Variants in LIPK observed in about 807,000 individuals in gnomAD.
LIPK encodes the protein lipase member K.
A neutral mutation model predicts 48.6 loss-of-function variants in LIPK; 32 were observed. That is an observed-to-expected ratio of 0.66 (90% CI 0.50 to 0.88). The LOEUF is 0.88. Ranked by LOEUF, LIPK falls within the 40% of genes least tolerant of loss-of-function variation. LIPK has a pLI of 0.00. For missense variants in LIPK, 507 were observed against 478.5 expected, an observed-to-expected ratio of 1.06 and a Z score of -0.56; for synonymous variants, 164 against 157.4, an observed-to-expected ratio of 1.04 and a Z score of -0.32.
chr10:88,737,336 G>A (rs982671157), intron 6 of LIPK, among the ~76,000 whole-genome samples: 1 of 152,080 alleles, frequency 6.6e-6, no homozygotes, highest in Admixed American at 6.5e-5. Context: ...GGTATAGAAC[G>A]TGTTTGAATC....
At chr10:88,730,414 C>A (rs1046740047) in intron 3 of LIPK, among the ~76,000 whole-genome samples, 1 of 152,036 alleles carries the variant, frequency 6.6e-6, no homozygotes, top group Non-Finnish European at 1.5e-5. Flanking sequence ...CTCAGCCTCC[C>A]GAGTAGCTGG....
At chr10:88,726,546 T>C (rs1842345219) in intron 2 of LIPK, among the ~76,000 whole-genome samples, 1 of 152,058 alleles carries the variant, frequency 6.6e-6, no homozygotes, top group South Asian at 2.1e-4. Context: ...ACAAAAAATG[T>C]AGCTGGCCAT....
At chr10:88,709,499 T>C (rs375491209) in intron 1 of LIPK, among the ~76,000 whole-genome samples, 33 of 151,174 alleles carry the variant, frequency 2.2e-4, no homozygotes, top group African/African-American at 7.3e-4. Flanking sequence ...ATTGTTCAAC[T>C]CTCACCTATG....
intron 2 of LIPK, among the ~76,000 whole-genome samples, chr10:88,726,409 A>T (rs1278260344): frequency 6.6e-6 from 1 of 152,226 alleles, no homozygotes; most frequent in Non-Finnish European, 1.5e-5. Flanking sequence ...CATTGTGGCC[A>T]GGCAGGGAGG....
intron 9 of LIPK, among the ~76,000 whole-genome samples, chr10:88,747,682 A>G (rs1313878746): frequency 6.6e-6 from 1 of 152,208 alleles, no homozygotes; most frequent in African/African-American, 2.4e-5. Flanking sequence ...ATCATCAGAG[A>G]AATGAAAATC....
At chr10:88,740,109 C>A in intron 8 of LIPK, 42 bp downstream of exon 8, 1 of 1,484,412 alleles carries the variant, frequency 6.7e-7, no homozygotes, top group Non-Finnish European at 9.3e-7. Flanking sequence ...CATATCTCTG[C>A]AAGACCCTCA....
chr10:88,732,091 T>C, intron 4 of LIPK, 87 bp from the exon 5 acceptor site: 1 of 830,350 alleles, frequency 1.2e-6, no homozygotes, highest in African/African-American at 1.7e-5. Flanking sequence ...AAAATCAAAG[T>C]ATTTATGTCT....
chr10:88,709,124 ATTAT>A (rs1031195082), intron 1 of LIPK, among the ~76,000 whole-genome samples: 8 of 152,154 alleles, frequency 5.3e-5, no homozygotes, highest in African/African-American at 1.9e-4. Flanking sequence ...ATTGATGATG[ATTAT>A]TTATTGACAG....
chr10:88,730,939 T>C (rs1388909023), intron 3 of LIPK, 44 bp from the exon 4 acceptor site: 2 of 1,475,030 alleles, frequency 1.4e-6, no homozygotes, highest in Non-Finnish European at 1.8e-6. Flanking sequence ...TTGTAGACAC[T>C]GAGAAAGTTC....
At chr10:88,709,475 C>T (rs953378413) in intron 1 of LIPK, among the ~76,000 whole-genome samples, 1 of 151,894 alleles carries the variant, frequency 6.6e-6, no homozygotes, top group Non-Finnish European at 1.5e-5. Flanking sequence ...TGATGTTCCC[C>T]TCCCTGTGTT....
chr10:88,707,583 C>T (rs1231274962), intron 1 of LIPK, among the ~76,000 whole-genome samples: 1 of 151,890 alleles, frequency 6.6e-6, no homozygotes, highest in African/African-American at 2.4e-5. Context: ...CCCATTTATC[C>T]CAAGACTCTT....
chr10:88,748,330 G>A (rs1472711565), intron 9 of LIPK, among the ~76,000 whole-genome samples: 1 of 152,114 alleles, frequency 6.6e-6, no homozygotes, highest in East Asian at 1.9e-4. Context: ...AACTACCATG[G>A]CATATGTACA....
In LIPK at chr10:88,727,750, G is replaced by A. The variant is rs114359223; in HGVS notation, c.223+838G>A. 1,595 of 235,814 alleles carry A rather than the reference G, an allele frequency of 6.8e-3. 32 individuals are homozygous for A. Among genetic ancestry groups the A allele is most frequent in the African/African-American group, 0.031 (1,370 of 43,736 alleles). 14.6% of individuals were successfully genotyped at this position (235,814 alleles called of 1,614,324 possible). A position where few individuals can be genotyped will look rare whatever the true frequency, so the allele number is the denominator to read the frequency against. On this transcript the variant is annotated intron_variant, in intron 3 of 9. Coordinates refer to ENST00000404190, the MANE Select transcript of LIPK (RefSeq NM_001080518.2). ...TTTTCACTGTGACCCAGAGTCTGCTGAGCTCCCTAAAAGTGGAGGTGGATC... is the reference window on the plus strand; with the variant it reads ...TTTTCACTGTGACCCAGAGTCTGCTAAGCTCCCTAAAAGTGGAGGTGGATC...
chr10:88,740,157 G>A, intron 8 of LIPK, 90 bp downstream of exon 8: 1 of 811,062 alleles, frequency 1.2e-6, no homozygotes, highest in Non-Finnish European at 1.9e-6. Flanking sequence ...GGGTTCTGCT[G>A]GCACCTGCCA....
chr10:88,745,121 A>G (rs1377300571), intron 9 of LIPK, among the ~76,000 whole-genome samples: 1 of 152,232 alleles, frequency 6.6e-6, no homozygotes, highest in African/African-American at 2.4e-5. Context: ...TGCAGAAAAT[A>G]TAGGATTATG....
At chr10:88,714,443 C>G (rs1371537578) in intron 1 of LIPK, among the ~76,000 whole-genome samples, 1 of 152,142 alleles carries the variant, frequency 6.6e-6, no homozygotes, top group African/African-American at 2.4e-5. Flanking sequence ...TGTTATAACT[C>G]TGTAAAATCG....
At chr10:88,751,898 TG>T (rs1343414149) in intron 9 of LIPK, among the ~76,000 whole-genome samples, 2 of 152,162 alleles carry the variant, frequency 1.3e-5, no homozygotes, top group Non-Finnish European at 2.9e-5. Context: ...CACTGTGACC[TG>T]AAGAATGGAG....
chr10:88,749,886 A>T, intron 9 of LIPK, among the ~76,000 whole-genome samples: 1 of 152,202 alleles, frequency 6.6e-6, no homozygotes, highest in East Asian at 1.9e-4. Flanking sequence ...AATAAGAGAA[A>T]ACATTTTCAA....
At chr10:88,720,610 A>C (rs1842203584) in intron 1 of LIPK, among the ~76,000 whole-genome samples, 1 of 152,176 alleles carries the variant, frequency 6.6e-6, no homozygotes, top group Non-Finnish European at 1.5e-5. Flanking sequence ...TTAATTATAA[A>C]CTAAGGCTCT....
Sources: allele counts gnomAD v4.1 joint callset (sites outside exome capture counted in the v4.1 genomes callset), GRCh38; gene constraint gnomAD v4.1.1; transcripts MANE v1.5; gene names NCBI Gene and HGNC (gene_info 2026-07-23, HGNC 2026-07-21).